COX5A: variants seen among roughly 807,000 people sequenced by gnomAD.
The protein encoded by COX5A is cytochrome c oxidase subunit 5A.
COX5A carries 6 observed loss-of-function variants against 16.1 expected under a neutral mutation model. The observed-to-expected ratio is 0.37, with a 90% CI of 0.20 to 0.73. COX5A has a LOEUF of 0.73. COX5A is among the 30% of genes least tolerant of loss of function. COX5A has a pLI of 0.50. For missense variants in COX5A, 159 were observed against 194.9 expected, an observed-to-expected ratio of 0.82 and a Z score of 1.10; for synonymous variants, 73 against 73.8, an observed-to-expected ratio of 0.99 and a Z score of 0.06.
intron 4 of COX5A, among the ~76,000 whole-genome samples, chr15:74,921,038 A>G (rs1255438610): frequency 6.6e-6 from 1 of 152,196 alleles, no homozygotes; most frequent in East Asian, 1.9e-4. Flanking sequence ...CTACATAAAA[A>G]AGATCTTCTG....
intron 2 of COX5A, 142 bp downstream of exon 2, chr15:74,928,974 C>T (rs1210230973): frequency 1.5e-6 from 1 of 685,414 alleles, no homozygotes; most frequent in East Asian, 2.5e-5. Flanking sequence ...TTATAGGTAG[C>T]CATAAACTTT....
intron 1 of COX5A, among the ~76,000 whole-genome samples, chr15:74,929,730 T>C (rs558115308): frequency 4.4e-4 from 67 of 152,162 alleles, no homozygotes; most frequent in Admixed American, 3.3e-3. Flanking sequence ...TGACAGAACC[T>C]GATAAGATAG....
intron 1 of COX5A, among the ~76,000 whole-genome samples, chr15:74,932,044 A>G (rs74718433): frequency 0.076 from 11,499 of 152,278 alleles, 1,196 homozygotes; most frequent in African/African-American, 0.23. Context: ...ACCCTGGAAA[A>G]TTAACTTAAG....
chr15:74,921,171 G>A (rs1016236239), intron 4 of COX5A, among the ~76,000 whole-genome samples: 6 of 151,884 alleles, frequency 4.0e-5, no homozygotes, highest in Non-Finnish European at 8.8e-5. Context: ...ACTTTGGGAG[G>A]CCGAGGCAGG....
At chr15:74,929,846 G>A (rs1031643733) in intron 1 of COX5A, among the ~76,000 whole-genome samples, 38 of 152,028 alleles carry the variant, frequency 2.5e-4, no homozygotes, top group Non-Finnish European at 3.5e-4. Context: ...TTGGGAGGCC[G>A]AGGCAGGCGG....
chr15:74,926,784 A>G lies in COX5A; in HGVS notation c.321T>C (p.Arg107=), dbSNP rs368515990. ...CACTGACCTTAACAACCTCTAGGATACGAACTGTACTAGCAAAATCATTTA... is the reference window on the plus strand; with the variant it reads ...CACTGACCTTAACAACCTCTAGGATGCGAACTGTACTAGCAAAATCATTTA... The part of the protein sequence containing the change: ...RRLNDFASTV[R]ILEVVKDKAG... The change falls in exon 3 of 5, where the codon CGT becomes CGC. Residue 107 remains arginine (R), a synonymous_variant. Coordinates refer to ENST00000322347, the MANE Select transcript of COX5A (RefSeq NM_004255.4). The G allele has an allele frequency of 1.9e-6, 3 of 1,612,670 alleles. No homozygotes were observed. Among genetic ancestry groups the G allele is most frequent in the Non-Finnish European group, 2.5e-6 (3 of 1,179,568 alleles).
At chr15:74,926,184 C>T (rs1040896550) in intron 3 of COX5A, among the ~76,000 whole-genome samples, 24 of 151,396 alleles carry the variant, frequency 1.6e-4, no homozygotes, top group African/African-American at 4.4e-4. Flanking sequence ...GGACTACAGG[C>T]GCCTGCCACC....
At chr15:74,924,447 G>A (rs2065334828) in intron 3 of COX5A, among the ~76,000 whole-genome samples, 1 of 152,114 alleles carries the variant, frequency 6.6e-6, no homozygotes. Context: ...CTTGAACTAG[G>A]GAGGCGGAGG....
intron 1 of COX5A, among the ~76,000 whole-genome samples, chr15:74,936,752 G>A (rs12898539): frequency 0.38 from 56,236 of 148,184 alleles, 13,265 homozygotes; most frequent in Non-Finnish European, 0.54. Flanking sequence ...TCAGCCTCCC[G>A]AGTAGCTGGG....
At chr15:74,929,290 T>C (rs2065356423) in intron 1 of COX5A, 58 bp from the exon 2 acceptor site, 2 of 1,210,504 alleles carry the variant, frequency 1.7e-6, no homozygotes, top group Non-Finnish European at 2.4e-6. Context: ...ATATATTTTG[T>C]TCAATGCATT....
chr15:74,930,111 AAAAC>A (rs2065360263), intron 1 of COX5A, among the ~76,000 whole-genome samples: 1 of 148,628 alleles, frequency 6.7e-6, no homozygotes, highest in African/African-American at 2.5e-5. Flanking sequence ...AACAAAAACA[AAAAC>A]AAAAACTAAA....
intron 1 of COX5A, among the ~76,000 whole-genome samples, chr15:74,931,458 G>T (rs959241309): frequency 1.3e-5 from 2 of 151,986 alleles, no homozygotes; most frequent in African/African-American, 2.4e-5. Flanking sequence ...GTGAGATGAT[G>T]CCATTGTACT....
At position 74,935,635 on chromosome 15, in the gene COX5A, T is replaced by A. The variant is rs569100259; in HGVS notation, c.100+2280A>T. Reference sequence around the variant, plus strand: ...AATAAATAAATAAATAAATAAAAAATTTTTTTTTTGAGATGGCATGATTTC... The same window carrying A: ...AATAAATAAATAAATAAATAAAAAAATTTTTTTTTGAGATGGCATGATTTC... On this transcript the variant is annotated intron_variant, in intron 1 of 4. Transcript: ENST00000322347. 1.9e-3 allele frequency among the ~76,000 whole-genome samples: 277 copies of A among 148,942 alleles called. 2 individuals carry two copies. The highest frequency in any genetic ancestry group is 0.017 in the South Asian group (80 of 4,706).
chr15:74,926,742 T>C (rs2065346259), intron 3 of COX5A, 24 bp downstream of exon 3: 1 of 1,598,614 alleles, frequency 6.3e-7, no homozygotes, highest in African/African-American at 1.3e-5. Flanking sequence ...TACAGAACAA[T>C]TTTAGCATTA....
At chr15:74,934,297 GA>G (rs1410135773) in intron 1 of COX5A, among the ~76,000 whole-genome samples, 3 of 151,478 alleles carry the variant, frequency 2.0e-5, no homozygotes, top group Non-Finnish European at 4.4e-5. Context: ...ATCCCTTTCT[GA>G]AGGGCTAAAA....
chr15:74,936,640 T>A (rs1280980127), intron 1 of COX5A, among the ~76,000 whole-genome samples: 1 of 149,048 alleles, frequency 6.7e-6, no homozygotes, highest in African/African-American at 2.5e-5. Flanking sequence ...TTTTTTTTTT[T>A]TTTTGAGACG....
chr15:74,926,687 C>A (rs1487140072), intron 3 of COX5A, 79 bp downstream of exon 3: 24 of 1,464,568 alleles, frequency 1.6e-5, no homozygotes, highest in Non-Finnish European at 2.1e-5. Flanking sequence ...TTAACAAATT[C>A]AAAAATACAG....
At chr15:74,924,966 A>G (rs1566978136) in intron 3 of COX5A, among the ~76,000 whole-genome samples, 1 of 152,200 alleles carries the variant, frequency 6.6e-6, no homozygotes. Context: ...TTTTCACTGT[A>G]ATATATAGTT....
At chr15:74,936,703 T>C (rs1462959398) in intron 1 of COX5A, among the ~76,000 whole-genome samples, 1 of 144,034 alleles carries the variant, frequency 6.9e-6, no homozygotes, top group Non-Finnish European at 1.5e-5. Flanking sequence ...TTCGGCTCAC[T>C]GCAACCTCCG....
Sources: gnomAD v4.1 joint callset for allele counts (sites outside exome capture counted in the v4.1 genomes callset) on GRCh38, gnomAD v4.1.1 for gene constraint, MANE v1.5 for transcripts, NCBI Gene and HGNC (gene_info 2026-07-23, HGNC 2026-07-21) for gene names.